ADARB1: variants seen among roughly 807,000 people sequenced by gnomAD.
ADARB1 encodes adenosine deaminase RNA specific B1.
In ADARB1, 10 loss-of-function variants were observed where a neutral mutation model predicts 52.4. The ratio of observed to expected loss-of-function variants is 0.19; its 90% CI spans 0.12 to 0.32. The LOEUF (loss-of-function observed/expected upper bound fraction) is 0.32. Ranked by LOEUF, ADARB1 falls within the 10% of genes least tolerant of loss-of-function variation. ADARB1 has a pLI of 1.00. For synonymous variants in ADARB1, 349 were observed against 371.1 expected (o/e 0.94, Z 0.68); for missense variants, 643 against 922.3 (o/e 0.70, Z 3.92).
chr21:45,175,778 C>T lies in ADARB1; in HGVS notation c.77C>T (p.Ser26Phe), dbSNP rs756785178. ...GAAAACCGCAATCTGGACAACGTGTCCCCCAAGGATGGCAGCACACCTGGG... is the reference window on the plus strand; with the variant it reads ...GAAAACCGCAATCTGGACAACGTGTTCCCCAAGGATGGCAGCACACCTGGG... ...VKENRNLDNV[S>F]PKDGSTPGPG... The change falls in exon 4 of 11, where the codon TCC (serine) becomes TTC (phenylalanine). Residue 26 changes from serine to phenylalanine, a missense_variant. By Grantham distance (155) the Ser-to-Phe change is radical. This residue lies in a region of ADARB1 where 380 missense variants were observed against 446.5 expected (regional missense o/e 0.85). Transcript: ENST00000348831. 1 of 1,614,158 alleles carries T rather than the reference C, an allele frequency of 6.2e-7. No individual in the cohort carries two copies. Among genetic ancestry groups the T allele is most frequent in the Middle Eastern group, 1.7e-4 (1 of 6,058 alleles).
intron 9 of ADARB1, among the ~76,000 whole-genome samples, chr21:45,216,603 T>C (rs1002858587): frequency 2.0e-5 from 3 of 152,134 alleles, no homozygotes; most frequent in Non-Finnish European, 4.4e-5. Context: ...TTAAATTTAT[T>C]AGACTTGGTT....
chr21:45,154,162 C>T (rs1343732979), intron 2 of ADARB1, among the ~76,000 whole-genome samples: 2 of 152,172 alleles, frequency 1.3e-5, no homozygotes, highest in African/African-American at 4.8e-5. Flanking sequence ...GAAAACCACT[C>T]TCAAATATGT....
In ADARB1 at chr21:45,185,098, G is replaced by T; in HGVS notation, c.1565+7G>T. 2 of 1,612,814 alleles carry T rather than the reference G, an allele frequency of 1.2e-6. No individual in the cohort carries two copies. The highest frequency in any genetic ancestry group is 1.7e-6 in the Non-Finnish European group (2 of 1,179,138). On this transcript the variant is annotated splice_region_variant and intron_variant, in intron 8 of 10. Coordinates refer to ENST00000348831, the MANE Select transcript of ADARB1 (RefSeq NM_001112.4). The stretch of plus-strand genomic sequence containing the variant: ...GCAGTGACAAGATTGCACGGTAAGG[G>T]GCGGGGGCTCCCTGTGGCCACCTCC...
At chr21:45,126,091 G>A (rs932885191) in intron 1 of ADARB1, among the ~76,000 whole-genome samples, 3 of 152,202 alleles carry the variant, frequency 2.0e-5, no homozygotes, top group Non-Finnish European at 4.4e-5. Context: ...ATTTAGAAGT[G>A]TATTGCTGAA....
At chr21:45,077,392 G>A (rs572535643) in intron 1 of ADARB1, among the ~76,000 whole-genome samples, 49 of 152,304 alleles carry the variant, frequency 3.2e-4, no homozygotes, top group African/African-American at 1.1e-3. Flanking sequence ...GTGGCCGGGC[G>A]CGGTGGCTCA....
At chr21:45,151,849 G>T (rs576871962) in intron 2 of ADARB1, among the ~76,000 whole-genome samples, 1 of 152,234 alleles carries the variant, frequency 6.6e-6, no homozygotes, top group African/African-American at 2.4e-5. Flanking sequence ...TCACAGACTG[G>T]CTGTGCTGAT....
At chr21:45,201,074 C>T (rs1381353636) in intron 8 of ADARB1, among the ~76,000 whole-genome samples, 1 of 152,218 alleles carries the variant, frequency 6.6e-6, no homozygotes, top group Non-Finnish European at 1.5e-5. Context: ...CACTTCATGG[C>T]ACGCTGTGAG....
At chr21:45,151,337 G>GCTTAATAAAATT (rs1197645838) in intron 2 of ADARB1, among the ~76,000 whole-genome samples, 1 of 152,168 alleles carries the variant, frequency 6.6e-6, no homozygotes, top group Non-Finnish European at 1.5e-5. Context: ...TGCTTAATAT[G>GCTTAATAAAATT]GCATAATTTC....
At chr21:45,160,214 C>T (rs984805709) in intron 2 of ADARB1, among the ~76,000 whole-genome samples, 3 of 152,202 alleles carry the variant, frequency 2.0e-5, no homozygotes, top group Non-Finnish European at 2.9e-5. Flanking sequence ...CCAGTGGACT[C>T]AGGGTGCAGG....
intron 8 of ADARB1, among the ~76,000 whole-genome samples, chr21:45,191,810 A>G (rs1462926584): frequency 6.8e-6 from 1 of 146,916 alleles, no homozygotes; most frequent in East Asian, 2.0e-4. Context: ...CTTCTGTGAG[A>G]CAGCAGTGTA....
chr21:45,223,815 T>C lies in ADARB1; in HGVS notation c.*1618T>C. 1 of 985,372 alleles carries C rather than the reference T, an allele frequency of 1.0e-6. No homozygotes were observed. 61.0% of individuals were successfully genotyped at this position (985,372 alleles called of 1,614,324 possible). A position where few individuals can be genotyped will look rare whatever the true frequency, so the allele number is the denominator to read the frequency against. ...TGATGTCAGGAGCCCCATCCACGTG[T>C]GTCCACACAGATCTCGTCGCAGCAC... On this transcript the variant is annotated 3_prime_UTR_variant, in exon 11 of 11. Coordinates refer to ENST00000348831, the MANE Select transcript of ADARB1 (RefSeq NM_001112.4).
chr21:45,084,828 G>A (rs1029151941), intron 1 of ADARB1, among the ~76,000 whole-genome samples: 3 of 152,174 alleles, frequency 2.0e-5, no homozygotes, highest in African/African-American at 7.2e-5. Context: ...ATTAGTAACA[G>A]TTGGGCACAA....
intron 1 of ADARB1, among the ~76,000 whole-genome samples, chr21:45,078,968 T>G (rs114160282): frequency 2.2e-4 from 34 of 152,270 alleles, no homozygotes; most frequent in African/African-American, 7.2e-4. Flanking sequence ...TTACCCAAGG[T>G]CACACAGGAA....
intron 2 of ADARB1, among the ~76,000 whole-genome samples, chr21:45,148,775 T>C (rs1477490559): frequency 6.6e-6 from 1 of 152,192 alleles, no homozygotes; most frequent in Non-Finnish European, 1.5e-5. Context: ...GTTGTTTCTC[T>C]ACTCCTGGCT....
chr21:45,183,348 T>G lies in ADARB1; in HGVS notation c.1248-14T>G. ...CAGCTTTAAATGTTACTTTTGCAAC[T>G]TTTTTCCTTTCAGTAACAAAGATGA... On this transcript the variant is annotated splice_polypyrimidine_tract_variant and intron_variant, in intron 6 of 10. Transcript: ENST00000348831. 6.3e-7 allele frequency: 1 copy of G among 1,591,672 alleles called. No individual in the cohort carries two copies. Among genetic ancestry groups the G allele is most frequent in the Non-Finnish European group, 8.5e-7 (1 of 1,173,106 alleles).
rs555961932 is a variant in ADARB1 at position 45,172,504 on chromosome 21, T to C, written c.28+820T>C. Among the ~76,000 whole-genome samples the C allele has an allele frequency of 3.2e-4, 49 of 152,336 alleles. No individual in the cohort carries two copies. The highest frequency in any genetic ancestry group is 7.8e-4 in the Admixed American group (12 of 15,310). On this transcript the variant is annotated intron_variant, in intron 3 of 10. Coordinates refer to ENST00000348831, the MANE Select transcript of ADARB1 (RefSeq NM_001112.4). The surrounding 1 kb of genome is among the most constrained non-coding windows in gnomAD (Gnocchi z 4.4). The stretch of plus-strand genomic sequence containing the variant: ...GAACTTAGCACTTTCCCTTTGACTT[T>C]ACGCACAACCGATGATCTGGGGTCT...
intron 4 of ADARB1, among the ~76,000 whole-genome samples, chr21:45,178,057 G>A (rs1425061685): frequency 6.6e-6 from 1 of 152,126 alleles, no homozygotes; most frequent in Non-Finnish European, 1.5e-5. Context: ...AATATTGTCT[G>A]ATGTGACTTG....
At chr21:45,074,991 C>T (rs1422224591) in intron 1 of ADARB1, among the ~76,000 whole-genome samples, 198 bp downstream of exon 1, 2 of 151,292 alleles carry the variant, frequency 1.3e-5, no homozygotes, top group East Asian at 3.9e-4. Flanking sequence ...CGCCCGTCTG[C>T]TCCGGCGCTC....
chr21:45,171,557 C>T lies in ADARB1; in HGVS notation c.-47-53C>T, dbSNP rs1005897005. 2.0e-5 allele frequency: 22 copies of T among 1,101,392 alleles called. No homozygotes were observed. In the East Asian group the frequency reaches 5.2e-4, roughly 26 times the overall value. 68.2% of individuals were successfully genotyped at this position (1,101,392 alleles called of 1,614,324 possible). The stretch of plus-strand genomic sequence containing the variant: ...TTATTTCCTTAGAGTAGACTTACTT[C>T]ATATTACTCCTGTCATAGGCACACT... On this transcript the variant is annotated intron_variant, in intron 2 of 10. Coordinates refer to ENST00000348831, the MANE Select transcript of ADARB1 (RefSeq NM_001112.4).
Sources: allele counts gnomAD v4.1 joint callset (sites outside exome capture counted in the v4.1 genomes callset), GRCh38; gene constraint gnomAD v4.1.1; regional missense constraint gnomAD v4.1.1; non-coding constraint Gnocchi (gnomAD v3.1); transcripts MANE v1.5; gene names NCBI Gene and HGNC (gene_info 2026-07-23, HGNC 2026-07-21).